The following SLC22A3 variants were observed in gnomAD, a reference collection of about 807,000 sequenced individuals.
SLC22A3 encodes EMT organic cation transporter 3.
Under a neutral mutation model 59.1 loss-of-function variants are expected in SLC22A3, and 51 were observed. That is an observed-to-expected ratio of 0.86 (90% confidence interval 0.69 to 1.09). The LOEUF (loss-of-function observed/expected upper bound fraction) is 1.09, where lower values mean the gene tolerates loss of function less well. Among genes scored for constraint, SLC22A3 ranks in the 50% least tolerant of loss-of-function variants. The pLI, the probability that SLC22A3 is intolerant of heterozygous loss-of-function variation, is 0.00. For missense variants in SLC22A3, 711 were observed against 726.3 expected, an observed-to-expected ratio of 0.98 and a Z score of 0.24; for synonymous variants, 325 against 292.0, an observed-to-expected ratio of 1.11 and a Z score of -1.15.
chr6:160,413,175 T>G (rs1188223134), intron 5 of SLC22A3, among the ~76,000 whole-genome samples: 1 of 152,008 alleles, frequency 6.6e-6, no homozygotes, highest in Non-Finnish European at 1.5e-5. Flanking sequence ...GAGAGATGAG[T>G]CTGATTCCCC....
At chr6:160,447,922 A>G (rs1167764648) in intron 10 of SLC22A3, 104 bp downstream of exon 10, 1 of 920,548 alleles carries the variant, frequency 1.1e-6, no homozygotes, top group Non-Finnish European at 1.8e-6. Context: ...AAAAAATAAG[A>G]ATAAATCCTC....
chr6:160,393,280 T>TTTATTTTA (rs1554269847), intron 1 of SLC22A3, among the ~76,000 whole-genome samples: 1 of 151,326 alleles, frequency 6.6e-6, no homozygotes, highest in African/African-American at 2.4e-5. Flanking sequence ...TATTTATTTA[T>TTTATTTTA]TTTATTTATT....
rs904922444 is a variant in SLC22A3, at chr6:160,395,748, T to A, written c.430-2231T>A. On this transcript the variant is annotated intron_variant, in intron 1 of 10. Coordinates refer to ENST00000275300, the MANE Select transcript of SLC22A3 (RefSeq NM_021977.4). ...CATCTTGACTGATCATCTCAGCAAC[T>A]CTGTGAGAAGCCAACTACTACTGCC... Among the ~76,000 whole-genome samples, 8 of 152,350 alleles carry A rather than the reference T, an allele frequency of 5.3e-5. No homozygotes were observed. The East Asian group carries it at 1.5e-3, about 29-fold the overall frequency.
chr6:160,348,706 A>C lies in SLC22A3; in HGVS notation c.287A>C (p.Glu96Ala). The C allele has an allele frequency of 6.6e-7, 1 of 1,521,766 alleles. No homozygotes were observed. The highest frequency in any genetic ancestry group is 8.8e-7 in the Non-Finnish European group (1 of 1,141,666). 94.3% of individuals were successfully genotyped at this position (1,521,766 alleles called of 1,614,324 possible). A position where few individuals can be genotyped will look rare whatever the true frequency, so the allele number is the denominator to read the frequency against. ...RRGRCQRYLL[E>A]AANDSASATS... ...GGCCGCTGCCAGCGCTACCTCCTGG[A>C]GGCGGCCAACGACAGCGCCTCCGCC... Residue 96 changes from glutamate to alanine, a missense_variant, in exon 1 of 11, where the codon GAG (glutamate) becomes GCG (alanine). Glu to Ala is a moderately radical substitution (Grantham distance 107). Transcript: ENST00000275300.
In SLC22A3 at chr6:160,442,972, T is replaced by C. The variant is rs11962480; in HGVS notation, c.1397+103T>C. 1.9e-3 allele frequency: 1,608 copies of C among 863,122 alleles called. 19 individuals are homozygous for C. In the African/African-American group the frequency reaches 0.024, roughly 13 times the overall value. 53.5% of individuals were successfully genotyped at this position (863,122 alleles called of 1,614,324 possible). ...TGAAGTCGTTTCCTTAGCTCAGTGA[T>C]ATATTAGCCTAGGCTGAATCCAGCT... On this transcript the variant is annotated intron_variant, in intron 8 of 10. Coordinates refer to ENST00000275300, the MANE Select transcript of SLC22A3 (RefSeq NM_021977.4).
intron 1 of SLC22A3, among the ~76,000 whole-genome samples, chr6:160,370,022 G>A (rs1322387497): frequency 6.6e-6 from 1 of 152,196 alleles, no homozygotes; most frequent in Non-Finnish European, 1.5e-5. Context: ...TGCAACAACT[G>A]CACATGATAC....
chr6:160,359,601 T>C (rs571692693), intron 1 of SLC22A3, among the ~76,000 whole-genome samples: 1 of 152,314 alleles, frequency 6.6e-6, no homozygotes, highest in South Asian at 2.1e-4. Flanking sequence ...AAGGAGAGCC[T>C]GCAGTTTAAT....
chr6:160,418,644 T>C (rs575334825), intron 5 of SLC22A3, among the ~76,000 whole-genome samples: 2 of 152,316 alleles, frequency 1.3e-5, no homozygotes, highest in South Asian at 4.1e-4. Context: ...GCTACACAGG[T>C]AGTAACTGTG....
chr6:160,440,231 T>C (rs764156062), intron 7 of SLC22A3, among the ~76,000 whole-genome samples: 8 of 152,248 alleles, frequency 5.3e-5, no homozygotes, highest in Non-Finnish European at 1.0e-4. Context: ...TGAGTTTATT[T>C]AGGATGACCA....
chr6:160,364,369 C>A (rs981088934), intron 1 of SLC22A3, among the ~76,000 whole-genome samples: 3 of 152,204 alleles, frequency 2.0e-5, no homozygotes, highest in Non-Finnish European at 2.9e-5. Context: ...TTGCCAAATG[C>A]AGAGCCAGGA....
intron 3 of SLC22A3, among the ~76,000 whole-genome samples, chr6:160,408,414 AC>A (rs1787108546): frequency 6.6e-6 from 1 of 152,218 alleles, no homozygotes; most frequent in African/African-American, 2.4e-5. Context: ...TTTGATAATT[AC>A]AATTACCTTT....
intron 1 of SLC22A3, among the ~76,000 whole-genome samples, chr6:160,364,740 G>A (rs1478785209): frequency 2.0e-5 from 3 of 152,160 alleles, no homozygotes; most frequent in Admixed American, 2.0e-4. Context: ...GGACTCCCCA[G>A]TTAGGAAACT....
At chr6:160,391,759 G>T (rs1176471011) in intron 1 of SLC22A3, among the ~76,000 whole-genome samples, 1 of 152,128 alleles carries the variant, frequency 6.6e-6, no homozygotes, top group African/African-American at 2.4e-5. Flanking sequence ...GAGAGAGAGG[G>T]GCTGACGTAT....
At chr6:160,443,847 T>A (rs1788643086) in intron 9 of SLC22A3, 105 bp downstream of exon 9, 3 of 513,528 alleles carry the variant, frequency 5.8e-6, no homozygotes, top group African/African-American at 3.8e-5. Flanking sequence ...TAGTCATTTA[T>A]CTTATTATAA....
chr6:160,354,320 G>C (rs1272480820), intron 1 of SLC22A3, among the ~76,000 whole-genome samples: 1 of 152,246 alleles, frequency 6.6e-6, no homozygotes, highest in African/African-American at 2.4e-5. Flanking sequence ...ATGGGTACAA[G>C]AATGCCTGCC....
intron 1 of SLC22A3, among the ~76,000 whole-genome samples, chr6:160,352,397 A>C (rs1784691084): frequency 6.6e-6 from 1 of 152,214 alleles, no homozygotes; most frequent in Non-Finnish European, 1.5e-5. Flanking sequence ...AATAAAATAC[A>C]ATGTAACGCA....
chr6:160,386,998 C>G (rs1156360125), intron 1 of SLC22A3, among the ~76,000 whole-genome samples: 1 of 152,122 alleles, frequency 6.6e-6, no homozygotes, highest in Non-Finnish European at 1.5e-5. Flanking sequence ...GAGTCCTCCT[C>G]CAGCAGGGTA....
At chr6:160,446,595 A>G (rs116150518) in intron 9 of SLC22A3, among the ~76,000 whole-genome samples, 1,964 of 152,236 alleles carry the variant, frequency 0.013, 28 homozygotes, top group Middle Eastern at 0.051. Context: ...CTCCCCAACA[A>G]TCCAGTCACC....
chr6:160,442,246 C>T (rs1402598196), intron 7 of SLC22A3, among the ~76,000 whole-genome samples: 1 of 152,208 alleles, frequency 6.6e-6, no homozygotes, highest in Non-Finnish European at 1.5e-5. Flanking sequence ...TTCCAAAGAT[C>T]CTGGTCCTCA....
Sources: allele counts gnomAD v4.1 joint callset (sites outside exome capture counted in the v4.1 genomes callset), GRCh38; gene constraint gnomAD v4.1.1; transcripts MANE v1.5; gene names NCBI Gene and HGNC (gene_info 2026-07-23, HGNC 2026-07-21).